Variants in TENM3 observed in about 807,000 individuals in gnomAD.
TENM3 encodes teneurin transmembrane protein 3.
TENM3 carries 63 observed loss-of-function variants against 255.1 expected under a neutral mutation model. The observed-to-expected ratio is 0.25, with a 90% CI of 0.20 to 0.30. The LOEUF (loss-of-function observed/expected upper bound fraction) is 0.30. TENM3 is among the 10% of genes least tolerant of loss of function. The pLI is 1.00. For synonymous variants in TENM3, 1,306 were observed against 1,322.3 expected (o/e 0.99, Z 0.27); for missense variants, 2,929 against 3,461.1 (o/e 0.85, Z 3.86).
chr4:182,299,389 G>A (rs541441079), intron 1 of TENM3, among the ~76,000 whole-genome samples: 14 of 152,256 alleles, frequency 9.2e-5, no homozygotes, highest in African/African-American at 3.4e-4. Context: ...GAAAGGAAAA[G>A]GAAGCCTGTG....
At chr4:181,635,248 G>T in the TENM3 span, among the ~76,000 whole-genome samples, 1 of 152,190 alleles carries the variant, frequency 6.6e-6, no homozygotes, top group Non-Finnish European at 1.5e-5. Context: ...AATTAATATT[G>T]CACCTTAATA....
intron 3 of TENM3, among the ~76,000 whole-genome samples, chr4:182,586,199 G>A (rs1029203390): frequency 6.6e-6 from 1 of 152,208 alleles, no homozygotes; most frequent in Non-Finnish European, 1.5e-5. Context: ...CGAGGTTGCA[G>A]TGAGCTATGA....
At chr4:181,506,976 T>C in the TENM3 span, among the ~76,000 whole-genome samples, 1 of 152,176 alleles carries the variant, frequency 6.6e-6, no homozygotes, top group Non-Finnish European at 1.5e-5. Flanking sequence ...AGTCTCAGCA[T>C]GGAGCTGTGG....
At chr4:181,865,247 A>G in the TENM3 span, among the ~76,000 whole-genome samples, 4 of 152,318 alleles carry the variant, frequency 2.6e-5, no homozygotes, top group East Asian at 7.7e-4. Flanking sequence ...GCTGTTGTGA[A>G]CAGTTGTCAT....
intron 1 of TENM3, among the ~76,000 whole-genome samples, chr4:182,266,875 G>T (rs939323268): frequency 6.6e-6 from 1 of 152,128 alleles, no homozygotes; most frequent in African/African-American, 2.4e-5. Flanking sequence ...CTTATCAATT[G>T]TGGCTTTAAT....
At chr4:181,548,281 T>C in the TENM3 span, among the ~76,000 whole-genome samples, 1 of 152,164 alleles carries the variant, frequency 6.6e-6, no homozygotes, top group East Asian at 1.9e-4. Context: ...GAACTAGAAA[T>C]TCCATTTGAC....
In TENM3 at chr4:182,716,325, T is replaced by G. The variant is rs572464346; in HGVS notation, c.2368+2092T>G. Among the ~76,000 whole-genome samples the G allele has an allele frequency of 6.6e-4, 100 of 152,324 alleles. 2 individuals are homozygous for G. In the South Asian group the frequency reaches 0.02, roughly 31 times the overall value. The stretch of plus-strand genomic sequence containing the variant: ...GGGCTAATCAACTCTTTAGTGGTAT[T>G]ATCAGCTAAAGAGGTTTTTCCTTTT... On this transcript the variant is annotated intron_variant, in intron 13 of 27. Transcript: ENST00000511685.
the TENM3 span, among the ~76,000 whole-genome samples, chr4:181,625,804 ACT>A: frequency 7.1e-6 from 1 of 141,380 alleles, no homozygotes; most frequent in African/African-American, 2.7e-5. Flanking sequence ...ACAGAGCAAG[ACT>A]CTGTCTCAAA....
intron 13 of TENM3, among the ~76,000 whole-genome samples, chr4:182,725,441 AT>A (rs1415038887): frequency 2.6e-5 from 4 of 152,064 alleles, no homozygotes; most frequent in Non-Finnish European, 5.9e-5. Flanking sequence ...GGGAGAAAAA[AT>A]GTTTTACATT....
chr4:181,690,289 G>A, the TENM3 span, among the ~76,000 whole-genome samples: 130 of 151,996 alleles, frequency 8.6e-4, 1 homozygote, highest in African/African-American at 2.9e-3. Flanking sequence ...TTCTCACACA[G>A]GGAGGGTAGA....
the TENM3 span, among the ~76,000 whole-genome samples, chr4:182,065,217 C>T: frequency 2.9e-4 from 44 of 152,046 alleles, no homozygotes; most frequent in African/African-American, 1.0e-3. Context: ...GTATTTTTTG[C>T]AGAGATGGGC....
intron 3 of TENM3, among the ~76,000 whole-genome samples, chr4:182,540,520 GA>G (rs760559977): frequency 5.3e-5 from 8 of 152,138 alleles, no homozygotes; most frequent in Non-Finnish European, 1.0e-4. Context: ...CCAGGAGGCG[GA>G]GGTTACGGTG....
rs183358526 is a variant in TENM3, at chr4:182,264,709, C to T, written c.-76+21233C>T. ...TGGACTGTTTTAAATTTTCCTTTCT[C>T]TGAGCATCTTGGAGGTTACCTTTGG... On this transcript the variant is annotated intron_variant, in intron 1 of 27. Coordinates refer to ENST00000511685, the MANE Select transcript of TENM3 (RefSeq NM_001080477.4). 2.4e-3 allele frequency among the ~76,000 whole-genome samples: 359 copies of T among 152,242 alleles called. 2 individuals carry two copies. Among genetic ancestry groups the T allele is most frequent in the African/African-American group, 8.3e-3 (345 of 41,548 alleles).
At chr4:181,573,839 G>A in the TENM3 span, among the ~76,000 whole-genome samples, 1 of 152,090 alleles carries the variant, frequency 6.6e-6, no homozygotes, top group Non-Finnish European at 1.5e-5. Flanking sequence ...TCTATGTGCT[G>A]AGCAAACCCC....
At chr4:182,311,821 G>C (rs2150420427) in intron 1 of TENM3, among the ~76,000 whole-genome samples, 1 of 152,314 alleles carries the variant, frequency 6.6e-6, no homozygotes, top group Middle Eastern at 3.4e-3. Context: ...AGCTCCCCCA[G>C]TGGCACACAG....
chr4:181,926,945 G>A, the TENM3 span, among the ~76,000 whole-genome samples: 1 of 151,964 alleles, frequency 6.6e-6, no homozygotes, highest in East Asian at 2.0e-4. Context: ...GGGAAGCCGT[G>A]AGGGACCGTG....
At chr4:182,253,643 T>G (rs1399334858) in intron 1 of TENM3, among the ~76,000 whole-genome samples, 1 of 152,224 alleles carries the variant, frequency 6.6e-6, no homozygotes, top group Non-Finnish European at 1.5e-5. Flanking sequence ...AATATTTGTT[T>G]TTCTTAAATT....
chr4:181,893,487 G>C, the TENM3 span, among the ~76,000 whole-genome samples: 79 of 74,688 alleles, frequency 1.1e-3, no homozygotes, highest in Middle Eastern at 7.7e-3. Flanking sequence ...ACTTTCCCCT[G>C]CCCACCCCCC....
chr4:182,319,652 G>A (rs866027371), intron 1 of TENM3, among the ~76,000 whole-genome samples: 2 of 152,150 alleles, frequency 1.3e-5, no homozygotes, highest in African/African-American at 4.8e-5. Context: ...ATTACTAGGT[G>A]TTAACATTTA....
Sources: gnomAD v4.1 joint callset for allele counts (sites outside exome capture counted in the v4.1 genomes callset) on GRCh38, gnomAD v4.1.1 for gene constraint, MANE v1.5 for transcripts, NCBI Gene and HGNC (gene_info 2026-07-23, HGNC 2026-07-21) for gene names.